SLCO5A1: variants seen among roughly 807,000 people sequenced by gnomAD.
SLCO5A1 encodes organic anion transporter polypeptide-related protein 4.
A neutral mutation model predicts 65.1 loss-of-function variants in SLCO5A1; 39 were observed. The observed-to-expected ratio is 0.60, with a 90% CI of 0.46 to 0.78. SLCO5A1 has a LOEUF of 0.78. Among genes scored for constraint, SLCO5A1 ranks in the 30% least tolerant of loss-of-function variants. SLCO5A1 has a pLI of 0.00. For missense variants in SLCO5A1, 1,029 were observed against 1,069.4 expected (o/e 0.96, Z 0.53); for synonymous variants, 438 against 415.7 (o/e 1.05, Z -0.65).
At chr8:69,674,336 A>AGGAGGAAGGGAGCCAGGAAG (rs1813461723) in intron 9 of SLCO5A1, among the ~76,000 whole-genome samples, 1 of 152,226 alleles carries the variant, frequency 6.6e-6, no homozygotes, top group African/African-American at 2.4e-5. Context: ...AAAGAGAGAA[A>AGGAGGAAGGGAGCCAGGAAG]GGAGGAAGGG....
Position 69,832,401 on chromosome 8 carries a change from C to A in SLCO5A1, c.273G>T (p.Gly91=). The A allele has an allele frequency of 6.2e-7, 1 of 1,612,202 alleles. No individual in the cohort carries two copies. Residue 91 remains glycine, a synonymous_variant, in exon 2 of 10, where the codon GGG becomes GGT. Coordinates refer to ENST00000260126, the MANE Select transcript of SLCO5A1 (RefSeq NM_030958.3). The surrounding 1 kb of genome is among the most constrained non-coding windows in gnomAD (Gnocchi z 4.5). ...PSPSAPSTSA[G]LGDCNHRVDL... is the part of the protein sequence containing the mutation. ...CCACCCTGTGGTTACAGTCCCCGAG[C>A]CCCGCCGAAGTGGACGGGGCAGAGG...
rs1814064482 is a variant in SLCO5A1, at chr8:69,687,750, C to T, written c.1623-5407G>A. On this transcript the variant is annotated intron_variant, in intron 6 of 9. Transcript: ENST00000260126. Reference sequence around the variant, plus strand: ...GATTAACATTAATAACATATTGCTACCAAGATTGTATGTAAAGTTTTAAAT... The same window carrying T: ...GATTAACATTAATAACATATTGCTATCAAGATTGTATGTAAAGTTTTAAAT... 2.0e-5 allele frequency among the ~76,000 whole-genome samples: 3 copies of T among 151,862 alleles called. No homozygotes were observed. In the South Asian group the frequency reaches 6.2e-4, roughly 32 times the overall value.
chr8:69,700,215 A>C (rs1465533122), intron 6 of SLCO5A1: 1 of 152,258 alleles, frequency 6.6e-6, no homozygotes, highest in African/African-American at 2.4e-5. Flanking sequence ...ATAAATAATA[A>C]GGAAAGGAGG....
intron 8 of SLCO5A1, among the ~76,000 whole-genome samples, chr8:69,677,688 C>T (rs929765260): frequency 6.6e-6 from 1 of 152,198 alleles, no homozygotes; most frequent in Non-Finnish European, 1.5e-5. Context: ...TCATGCACTA[C>T]TATCTGGCTG....
At chr8:69,825,222 C>G (rs1485687555) in intron 2 of SLCO5A1, among the ~76,000 whole-genome samples, 4 of 152,142 alleles carry the variant, frequency 2.6e-5, no homozygotes, top group African/African-American at 7.2e-5. Flanking sequence ...TGGCACAAGA[C>G]AGGGATGCCC....
intron 4 of SLCO5A1, among the ~76,000 whole-genome samples, chr8:69,746,457 C>T (rs1817032804): frequency 6.6e-6 from 1 of 152,092 alleles, no homozygotes; most frequent in Admixed American, 6.6e-5. Flanking sequence ...ACATTGGGCA[C>T]AGAGACCAAG....
At chr8:69,828,541 C>G (rs1160150107) in intron 2 of SLCO5A1, among the ~76,000 whole-genome samples, 2 of 151,704 alleles carry the variant, frequency 1.3e-5, no homozygotes, top group African/African-American at 4.8e-5. Context: ...GGCGGAGCTT[C>G]CAGTGAGCCG....
intron 6 of SLCO5A1, among the ~76,000 whole-genome samples, chr8:69,684,022 A>C (rs1813900721): frequency 1.3e-5 from 2 of 152,212 alleles, no homozygotes; most frequent in Non-Finnish European, 2.9e-5. Context: ...ACAAATTCAA[A>C]ACAATATTAA....
Position 69,711,304 on chromosome 8 carries a change from T to A in SLCO5A1, c.1424-6075A>T, listed in dbSNP as rs546342235. Among the ~76,000 whole-genome samples the A allele has an allele frequency of 3.9e-5, 6 of 152,250 alleles. No homozygotes were observed. In the South Asian group the frequency reaches 1.0e-3, roughly 26 times the overall value. On this transcript the variant is annotated intron_variant, in intron 5 of 9. Coordinates refer to ENST00000260126, the MANE Select transcript of SLCO5A1 (RefSeq NM_030958.3). ...CCCAAAGAGTCAGCTCGCCGCTCCG[T>A]TGCGCCTCTCACCACTGCGCACCTC...
At position 69,832,895 on chromosome 8, in the gene SLCO5A1, G is replaced by C. The variant is rs1821237642; in HGVS notation, c.-222C>G. ...AAGGCTCCGCAGCCGCGTGCCACAG[G>C]GGGCAGGGGTCCGCGCGGTACTGCG... On this transcript the variant is annotated 5_prime_UTR_variant, in exon 2 of 10. Coordinates refer to ENST00000260126, the MANE Select transcript of SLCO5A1 (RefSeq NM_030958.3). The surrounding 1 kb of genome is among the most constrained non-coding windows in gnomAD (Gnocchi z 4.5). 8.4e-6 allele frequency: 5 copies of C among 594,466 alleles called. No homozygotes were observed. The highest frequency in any genetic ancestry group is 1.2e-5 in the Non-Finnish European group (4 of 341,760). 36.8% of individuals were successfully genotyped at this position (594,466 alleles called of 1,614,324 possible). A position where few individuals can be genotyped will look rare whatever the true frequency, so the allele number is the denominator to read the frequency against.
intron 2 of SLCO5A1, among the ~76,000 whole-genome samples, chr8:69,812,719 C>T: frequency 6.6e-6 from 1 of 152,170 alleles, no homozygotes; most frequent in East Asian, 1.9e-4. Context: ...CATTCACTAC[C>T]ACTGCCTTCC....
In SLCO5A1 at chr8:69,796,174, T is replaced by C. The variant is rs558119386; in HGVS notation, c.908-34299A>G. Among the ~76,000 whole-genome samples the C allele has an allele frequency of 2.2e-4, 34 of 152,332 alleles. 1 individual carries two copies. The highest frequency in any genetic ancestry group is 3.4e-3 in the Middle Eastern group (1 of 294). ...GGCCTTCTTCCCATTGTCTTATCTA[T>C]TAGTATTTGTCTTACTTTTAACTAT... is the stretch of plus-strand genomic sequence containing the variant. On this transcript the variant is annotated intron_variant, in intron 2 of 9. Coordinates refer to ENST00000260126, the MANE Select transcript of SLCO5A1 (RefSeq NM_030958.3).
intron 2 of SLCO5A1, among the ~76,000 whole-genome samples, chr8:69,786,509 A>G (rs1478445035): frequency 6.6e-6 from 1 of 152,200 alleles, no homozygotes; most frequent in Admixed American, 6.5e-5. Context: ...GATGTACCAA[A>G]TTTTCACAAG....
intron 1 of SLCO5A1, chr8:69,833,652 G>C (rs552648685): frequency 1.3e-5 from 2 of 152,366 alleles, no homozygotes; most frequent in African/African-American, 2.4e-5. Context: ...GGTAAACTAC[G>C]TGTGTAGAAA....
At chr8:69,833,473 C>G (rs1222564274) in intron 1 of SLCO5A1, 1 of 152,394 alleles carries the variant, frequency 6.6e-6, no homozygotes, top group East Asian at 1.9e-4. Flanking sequence ...AACCTGGCAG[C>G]TCTGACTCAG....
intron 3 of SLCO5A1, among the ~76,000 whole-genome samples, chr8:69,756,190 G>A (rs1358931724): frequency 6.6e-6 from 1 of 152,152 alleles, no homozygotes; most frequent in African/African-American, 2.4e-5. Context: ...TTGGGAGGCT[G>A]AAACAGGAGT....
rs531358276 is a variant in SLCO5A1 at position 69,761,623 on chromosome 8, C to T, written c.1040+120G>A. 26 of 1,069,520 alleles carry T rather than the reference C, an allele frequency of 2.4e-5. No individual in the cohort carries two copies. In the South Asian group the frequency reaches 3.9e-4, roughly 16 times the overall value. The allele number at this position is 1,069,520 out of a possible 1,614,324, so 66.3% of individuals were successfully genotyped here. On this transcript the variant is annotated intron_variant, in intron 3 of 9. Transcript: ENST00000260126. ...GTTATTAACCTGCCTGTCACCCCTT[C>T]CCAGGCACCTTTCAGCTATTTTTTG...
intron 2 of SLCO5A1, among the ~76,000 whole-genome samples, chr8:69,770,075 C>G (rs943533521): frequency 6.6e-6 from 1 of 151,968 alleles, no homozygotes; most frequent in African/African-American, 2.4e-5. Context: ...ATTATTGTTC[C>G]GTAATTATGT....
intron 2 of SLCO5A1, among the ~76,000 whole-genome samples, chr8:69,804,359 G>A (rs570297812): frequency 3.3e-5 from 5 of 152,156 alleles, no homozygotes; most frequent in African/African-American, 9.6e-5. Context: ...TGTCACCCAG[G>A]CTGTAGTACA....
Sources: gnomAD v4.1 joint callset for allele counts (sites outside exome capture counted in the v4.1 genomes callset) on GRCh38, gnomAD v4.1.1 for gene constraint, Gnocchi (gnomAD v3.1) non-coding constraint, MANE v1.5 for transcripts, NCBI Gene and HGNC (gene_info 2026-07-23, HGNC 2026-07-21) for gene names.